Variants in ARHGAP18 observed in about 807,000 individuals in gnomAD.
The protein encoded by ARHGAP18 is rho GTPase-activating protein 18.
Under a neutral mutation model 86.2 loss-of-function variants are expected in ARHGAP18, and 67 were observed. The ratio of observed to expected loss-of-function variants is 0.78; its 90% CI spans 0.64 to 0.95. The LOEUF (loss-of-function observed/expected upper bound fraction) is 0.95, where lower values mean the gene tolerates loss of function less well. ARHGAP18 is among the 40% of genes least tolerant of loss of function. ARHGAP18 has a pLI of 0.00. For synonymous variants in ARHGAP18, 283 were observed against 280.4 expected (o/e 1.01, Z -0.09); for missense variants, 691 against 780.4 (o/e 0.89, Z 1.37).
chr6:129,585,625 C>T (rs1225223762), intron 12 of ARHGAP18, among the ~76,000 whole-genome samples: 1 of 152,164 alleles, frequency 6.6e-6, no homozygotes, highest in Non-Finnish European at 1.5e-5. Context: ...TGGGTGGTGC[C>T]CCACCTGCCT....
intron 12 of ARHGAP18, among the ~76,000 whole-genome samples, chr6:129,593,980 A>T (rs1431865018): frequency 6.6e-6 from 1 of 152,204 alleles, no homozygotes. Flanking sequence ...AATAGCATAC[A>T]AAATTATTAT....
intron 6 of ARHGAP18, among the ~76,000 whole-genome samples, chr6:129,618,283 T>C (rs901349098): frequency 2.0e-5 from 3 of 152,220 alleles, no homozygotes; most frequent in African/African-American, 4.8e-5. Context: ...TTATTTGCTA[T>C]CCAATGAATA....
intron 1 of ARHGAP18, among the ~76,000 whole-genome samples, chr6:129,642,540 C>T (rs1773490817): frequency 6.6e-6 from 1 of 151,962 alleles, no homozygotes; most frequent in South Asian, 2.1e-4. Flanking sequence ...AACTGATCCT[C>T]CCACCTCAAC....
At chr6:129,701,773 T>TA (rs200564108) in intron 1 of ARHGAP18, among the ~76,000 whole-genome samples, 4,650 of 149,148 alleles carry the variant, frequency 0.031, 231 homozygotes, top group African/African-American at 0.11. Context: ...CCATCTCAAA[T>TA]AAAAAAAAAC....
intron 12 of ARHGAP18, among the ~76,000 whole-genome samples, chr6:129,595,244 G>A (rs373658806): frequency 3.9e-5 from 6 of 152,082 alleles, no homozygotes; most frequent in South Asian, 2.1e-4. Context: ...TCACTGACTC[G>A]TAACTTCTTT....
chr6:129,671,363 T>A (rs1282366876), intron 1 of ARHGAP18, among the ~76,000 whole-genome samples: 1 of 151,888 alleles, frequency 6.6e-6, no homozygotes, highest in Non-Finnish European at 1.5e-5. Flanking sequence ...ATACAAAAAT[T>A]AAAAGGATAA....
chr6:129,698,889 C>T lies in ARHGAP18; in HGVS notation c.113+11135G>A, dbSNP rs55952669. On this transcript the variant is annotated intron_variant, in intron 1 of 14. Coordinates refer to ENST00000368149, the MANE Select transcript of ARHGAP18 (RefSeq NM_033515.3). ...TTTATTTTTAGTAGAGACGGGGTTT[C>T]GCCACGTTGGCCAGGCTGGTCTTGA... 3.7e-3 allele frequency among the ~76,000 whole-genome samples: 561 copies of T among 152,194 alleles called. 3 individuals are homozygous for T. Among genetic ancestry groups the T allele is most frequent in the African/African-American group, 0.013 (541 of 41,522 alleles).
In ARHGAP18 at chr6:129,602,419, C is replaced by G. The variant is rs142154442; in HGVS notation, c.1366-1571G>C. On this transcript the variant is annotated intron_variant, in intron 10 of 14. Coordinates refer to ENST00000368149, the MANE Select transcript of ARHGAP18 (RefSeq NM_033515.3). ...TTTTTTCAGAGTTAGCCTAAAATCC[C>G]TACCCTAAAAAGGCCAAATATACTA... 1.0e-3 allele frequency among the ~76,000 whole-genome samples: 156 copies of G among 152,066 alleles called. 2 individuals are homozygous for G. In the East Asian group the frequency reaches 0.023, roughly 22 times the overall value.
At chr6:129,701,465 T>C (rs1379274489) in intron 1 of ARHGAP18, among the ~76,000 whole-genome samples, 3 of 152,186 alleles carry the variant, frequency 2.0e-5, no homozygotes, top group African/African-American at 7.2e-5. Flanking sequence ...AAAAATCTGA[T>C]GTCCTTTCAA....
At chr6:129,584,764 CTTAA>C (rs1384689827) in intron 12 of ARHGAP18, among the ~76,000 whole-genome samples, 1 of 152,094 alleles carries the variant, frequency 6.6e-6, no homozygotes, top group East Asian at 1.9e-4. Context: ...AAATATTAGT[CTTAA>C]TTAATTCCTA....
At chr6:129,706,193 G>C (rs1296898737) in intron 1 of ARHGAP18, among the ~76,000 whole-genome samples, 2 of 152,122 alleles carry the variant, frequency 1.3e-5, no homozygotes, top group Non-Finnish European at 2.9e-5. Context: ...AGAACAGTAA[G>C]AATAGACAAA....
Position 129,633,456 on chromosome 6 carries a change from A to G in ARHGAP18, c.616+586T>C, listed in dbSNP as rs188611457. Among the ~76,000 whole-genome samples the G allele has an allele frequency of 1.6e-3, 224 of 143,518 alleles. 3 individuals carry two copies. Among genetic ancestry groups the G allele is most frequent in the African/African-American group, 5.7e-3 (218 of 38,562 alleles). 94.2% of individuals were successfully genotyped at this position (143,518 alleles called of 152,430 possible). On this transcript the variant is annotated intron_variant, in intron 4 of 14. Transcript: ENST00000368149. ...CCTCAAAAAAAAAAAAAAAAAAGTT[A>G]CTTTCTTCCATACCTCGAGTTTCTA...
intron 1 of ARHGAP18, among the ~76,000 whole-genome samples, chr6:129,681,917 T>G (rs1774330896): frequency 6.6e-6 from 1 of 152,224 alleles, no homozygotes; most frequent in Non-Finnish European, 1.5e-5. Flanking sequence ...ACACAAAAAG[T>G]CTATTGTTTC....
intron 13 of ARHGAP18, among the ~76,000 whole-genome samples, chr6:129,581,161 A>G (rs1049318501): frequency 3.3e-5 from 5 of 152,188 alleles, no homozygotes; most frequent in African/African-American, 1.2e-4. Context: ...TGGAACTGAG[A>G]AGAGAAAATC....
chr6:129,602,986 T>TA (rs1788777801), intron 10 of ARHGAP18, among the ~76,000 whole-genome samples: 2 of 108,084 alleles, frequency 1.9e-5, no homozygotes, highest in African/African-American at 9.0e-5. Flanking sequence ...GAATTTCCCC[T>TA]TTATATATAT....
intron 7 of ARHGAP18, 120 bp downstream of exon 7, chr6:129,616,092 A>G (rs1789091340): frequency 1.3e-6 from 1 of 743,988 alleles, no homozygotes; most frequent in Non-Finnish European, 2.0e-6. Flanking sequence ...TGAATAGAAA[A>G]TCAAAGTACA....
At chr6:129,681,642 T>A (rs1159296967) in intron 1 of ARHGAP18, among the ~76,000 whole-genome samples, 1 of 152,230 alleles carries the variant, frequency 6.6e-6, no homozygotes, top group African/African-American at 2.4e-5. Context: ...TTTGCTTGTA[T>A]AAACAGAATA....
intron 12 of ARHGAP18, chr6:129,598,848 T>A (rs1022388351): frequency 5.8e-5 from 9 of 154,264 alleles, no homozygotes; most frequent in East Asian, 1.9e-4. Flanking sequence ...ATGTCAGTGG[T>A]TCACATGATG....
intron 1 of ARHGAP18, among the ~76,000 whole-genome samples, chr6:129,666,724 C>T (rs1290832431): frequency 6.6e-6 from 1 of 152,196 alleles, no homozygotes; most frequent in Non-Finnish European, 1.5e-5. Flanking sequence ...CATACAGACA[C>T]CAATGCTTCT....
Sources: gnomAD v4.1 joint callset for allele counts (sites outside exome capture counted in the v4.1 genomes callset) on GRCh38, gnomAD v4.1.1 for gene constraint, MANE v1.5 for transcripts, NCBI Gene and HGNC (gene_info 2026-07-23, HGNC 2026-07-21) for gene names.